SYNE1: variants seen among roughly 807,000 people sequenced by gnomAD.
SYNE1 encodes the protein nesprin-1.
Under a neutral mutation model 1,111.0 loss-of-function variants are expected in SYNE1, and 616 were observed. The observed-to-expected ratio is 0.55, with a 90% CI of 0.52 to 0.59. SYNE1 has a LOEUF of 0.59. Among genes scored for constraint, SYNE1 ranks in the 20% least tolerant of loss-of-function variants. The probability of loss-of-function intolerance (pLI) is 0.00; values close to 1 mark genes in which losing one functional copy is unlikely to be tolerated. For synonymous variants in SYNE1, 3,855 were observed against 3,825.8 expected (o/e 1.01, Z -0.28); for missense variants, 10,006 against 10,417.0 (o/e 0.96, Z 1.72).
In SYNE1 at chr6:152,381,442, G is replaced by GT; in HGVS notation, c.8653-81_8653-80insA. Reference sequence around the variant, plus strand: ...AAGTTTTCAACTGTGTACACAGGGGGACCCTGTCCTGCCAGGAAGTTTTAA... The same window carrying GT: ...AAGTTTTCAACTGTGTACACAGGGGGTACCCTGTCCTGCCAGGAAGTTTTAA... On this transcript the variant is annotated intron_variant, in intron 55 of 145. Transcript: ENST00000367255. 11 of 1,415,704 alleles carry GT rather than the reference G, an allele frequency of 7.8e-6. No individual in the cohort carries two copies. The Admixed American group carries it at 1.7e-4, about 22-fold the overall frequency. 87.7% of individuals were successfully genotyped at this position (1,415,704 alleles called of 1,614,324 possible).
At chr6:152,505,725 T>C (rs952875746) in intron 8 of SYNE1, among the ~76,000 whole-genome samples, 2 of 152,240 alleles carry the variant, frequency 1.3e-5, no homozygotes, top group East Asian at 3.8e-4. Flanking sequence ...GATGTTTACA[T>C]TTATTTTATA....
At chr6:152,201,007 A>C (rs2153359413) in intron 127 of SYNE1, among the ~76,000 whole-genome samples, 1 of 152,358 alleles carries the variant, frequency 6.6e-6, no homozygotes, top group South Asian at 2.1e-4. Flanking sequence ...TTCTAATTAA[A>C]ACCCAAGTCA....
Position 152,367,264 on chromosome 6 carries a change from G to A in SYNE1, c.9926C>T (p.Pro3309Leu), listed in dbSNP as rs559031643. The stretch of plus-strand genomic sequence containing the variant: ...GTCCAGCACACTTTTGTCGGATGTC[G>A]GGTGGCAGTATGAATCCAGCATGTG... ...AIHMLDSYCH[P>L]TSDKSVLDSR... is the part of the protein sequence containing the mutation. Residue 3309 changes from proline to leucine, a missense_variant, in exon 62 of 146, where the codon CCG becomes CTG. Pro to Leu is a moderately conservative substitution (Grantham distance 98). Around this residue, in one of 7 missense-constraint regions of SYNE1, gnomAD observed 4,955 missense variants for 5,017.2 expected, o/e 0.99. Coordinates refer to ENST00000367255, the MANE Select transcript of SYNE1 (RefSeq NM_182961.4). The A allele has an allele frequency of 8.4e-5, 136 of 1,614,162 alleles. No individual in the cohort carries two copies. In the South Asian group the frequency reaches 1.3e-3, roughly 16 times the overall value.
intron 24 of SYNE1, among the ~76,000 whole-genome samples, chr6:152,454,285 C>T (rs1372157707): frequency 6.6e-6 from 1 of 152,148 alleles, no homozygotes; most frequent in East Asian, 1.9e-4. Context: ...TCTTCAGACT[C>T]ATATGGTATT....
In SYNE1 at chr6:152,488,468, A is replaced by C. The variant is rs2154300530; in HGVS notation, c.975T>G (p.Val325=). Residue 325 remains valine (V), a synonymous_variant, in exon 12 of 146, where the codon GTT becomes GTG. Coordinates refer to ENST00000367255, the MANE Select transcript of SYNE1 (RefSeq NM_182961.4). ...EDRVIFKEMK[V]WIEQFERDLT... is the part of the protein sequence containing the mutation. Reference sequence around the variant, plus strand: ...AATCTCTCTCAAATTGTTCTATCCAAACTTTCATTTCCTTAAAAATTACTC... The same window carrying C: ...AATCTCTCTCAAATTGTTCTATCCACACTTTCATTTCCTTAAAAATTACTC... 5 of 1,607,570 alleles carry C rather than the reference A, an allele frequency of 3.1e-6. No individual in the cohort carries two copies. In the East Asian group the frequency reaches 1.1e-4, roughly 36 times the overall value.
intron 3 of SYNE1, among the ~76,000 whole-genome samples, chr6:152,553,167 C>T (rs2099353557): frequency 1.3e-5 from 2 of 152,098 alleles, no homozygotes; most frequent in Non-Finnish European, 2.9e-5. Flanking sequence ...CTGGAGCAAA[C>T]GAGGTTCATC....
At position 152,215,028 on chromosome 6, in the gene SYNE1, T is replaced by A; in HGVS notation, c.22224A>T (p.Pro7408=). The change falls in exon 122 of 146, where the codon CCA becomes CCT. Residue 7408 remains proline (P), a synonymous_variant. Transcript: ENST00000367255. ...CAAGCTCATTTAGACGGTCTAAATC[T>A]GGAGCCATGCTGCTGAATTTTAACA... ...GQMLKFSSMA[P]DLDRLNELGY... is the part of the protein sequence containing the mutation. 6.2e-7 allele frequency: 1 copy of A among 1,614,138 alleles called. No homozygotes were observed. Among genetic ancestry groups the A allele is most frequent in the Non-Finnish European group, 8.5e-7 (1 of 1,179,978 alleles).
chr6:152,128,909 A>G (rs2054465720), intron 145 of SYNE1: 1 of 152,242 alleles, frequency 6.6e-6, no homozygotes, highest in African/African-American at 2.4e-5. Flanking sequence ...AAGCCCAAGA[A>G]TGTTCAACCA....
Position 152,404,320 on chromosome 6 carries a change from A to G in SYNE1, c.6724-6T>C, listed in dbSNP as rs1441438677. ...GCTTTGTTTTTAACTTCAGACTGCC[A>G]AAAGGGAAGAAACATAACTAATCAA... On this transcript the variant is annotated splice_polypyrimidine_tract_variant and splice_region_variant and intron_variant, in intron 45 of 145. Transcript: ENST00000367255. 1.3e-6 allele frequency: 2 copies of G among 1,597,446 alleles called. No individual in the cohort carries two copies. Among genetic ancestry groups the G allele is most frequent in the African/African-American group, 1.3e-5 (1 of 74,572 alleles).
chr6:152,555,291 A>G lies in SYNE1; in HGVS notation c.68-15270T>C, dbSNP rs59299229. ...ATAACATTTCAGCCAATGATGGACC[A>G]CATATACAACTGTGGTCCCATGAAA... On this transcript the variant is annotated intron_variant, in intron 3 of 145. Transcript: ENST00000367255. 7.7e-3 allele frequency among the ~76,000 whole-genome samples: 1,174 copies of G among 152,330 alleles called. 20 individuals are homozygous for G. The highest frequency in any genetic ancestry group is 0.027 in the African/African-American group (1,122 of 41,568).
Position 152,316,831 on chromosome 6 carries a change from T to G in SYNE1, c.16710+18A>C, listed in dbSNP as rs2095737263. The G allele has an allele frequency of 6.2e-7, 1 of 1,613,906 alleles. No individual in the cohort carries two copies. The highest frequency in any genetic ancestry group is 8.5e-7 in the Non-Finnish European group (1 of 1,179,990). On this transcript the variant is annotated intron_variant, in intron 87 of 145. Transcript: ENST00000367255. The stretch of plus-strand genomic sequence containing the variant: ...TTGCCCTTGGTTACTTTTTAAAGAT[T>G]ATTTTTCCTAAGGTTACCTGATGCA...
chr6:152,381,176 G>T lies in SYNE1; in HGVS notation c.8839C>A (p.Leu2947Met), dbSNP rs756300560. 1 of 1,614,220 alleles carries T rather than the reference G, an allele frequency of 6.2e-7. No homozygotes were observed. Among genetic ancestry groups the T allele is most frequent in the Non-Finnish European group, 8.5e-7 (1 of 1,180,046 alleles). ...TCCGAAAGGGCCATCTGGCTGACCA[G>T]GTTCTCCAAACAGCTCTGCGTTTGG... ...VFQTQSCLEN[L>M]VSQMALSEQE... The change falls in exon 56 of 146, where the codon CTG becomes ATG. Residue 2947 changes from leucine to methionine, a missense_variant. Physicochemically the swap from Leu to Met is conservative, Grantham distance 15. Coordinates refer to ENST00000367255, the MANE Select transcript of SYNE1 (RefSeq NM_182961.4).
In SYNE1 at chr6:152,331,245, T is replaced by C; in HGVS notation, c.13440A>G (p.Glu4480=). Residue 4480 remains glutamate (E), a synonymous_variant, in exon 78 of 146, where the codon GAA becomes GAG. Coordinates refer to ENST00000367255, the MANE Select transcript of SYNE1 (RefSeq NM_182961.4). ...QQHERKIMFR[E]HICLLPDDVS... ...CATCATCTGGTAACAGACAGATGTG[T>C]TCACGGAACATTATCTTTCGCTCAT... 2.5e-6 allele frequency: 4 copies of C among 1,614,136 alleles called. No individual in the cohort carries two copies. Among genetic ancestry groups the C allele is most frequent in the South Asian group, 1.1e-5 (1 of 91,084 alleles).
chr6:152,534,957 C>T (rs948322763), intron 4 of SYNE1, among the ~76,000 whole-genome samples: 2 of 152,214 alleles, frequency 1.3e-5, no homozygotes, highest in Non-Finnish European at 2.9e-5. Flanking sequence ...ACAAAATGTG[C>T]TCTTAATGGA....
chr6:152,565,206 G>C (rs1245096154), intron 3 of SYNE1, among the ~76,000 whole-genome samples: 1 of 151,862 alleles, frequency 6.6e-6, no homozygotes, highest in East Asian at 1.9e-4. Context: ...TCAACACTAA[G>C]AAAGAGGGCC....
intron 3 of SYNE1, among the ~76,000 whole-genome samples, chr6:152,604,586 G>T (rs923338147): frequency 6.6e-6 from 1 of 152,074 alleles, no homozygotes; most frequent in African/African-American, 2.4e-5. Context: ...TTACAGGCAT[G>T]AGCCACTGTG....
intron 3 of SYNE1, among the ~76,000 whole-genome samples, chr6:152,624,704 T>C (rs1203465821): frequency 6.6e-6 from 1 of 152,218 alleles, no homozygotes; most frequent in Non-Finnish European, 1.5e-5. Context: ...GCAGTCTGAC[T>C]GCTCATTCAT....
At chr6:152,380,676 T>A in intron 56 of SYNE1, 1 of 340,268 alleles carries the variant, frequency 2.9e-6, no homozygotes. Flanking sequence ...ACTCTCTGTC[T>A]ATTTATGCCC....
At chr6:152,314,019 T>C (rs1157050922) in intron 87 of SYNE1, among the ~76,000 whole-genome samples, 1 of 152,216 alleles carries the variant, frequency 6.6e-6, no homozygotes, top group Non-Finnish European at 1.5e-5. Context: ...AATTGGAGAA[T>C]TCCAGCTGCT....
Sources: allele counts gnomAD v4.1 joint callset (sites outside exome capture counted in the v4.1 genomes callset), GRCh38; gene constraint gnomAD v4.1.1; regional missense constraint gnomAD v4.1.1; transcripts MANE v1.5; gene names NCBI Gene and HGNC (gene_info 2026-07-23, HGNC 2026-07-21).